Variants in ZNF335 observed in about 807,000 individuals in gnomAD.
ZNF335 encodes the protein zinc finger protein 335, also known as NRC-interacting factor 1.
Under a neutral mutation model 145.6 loss-of-function variants are expected in ZNF335, and 84 were observed. The ratio of observed to expected loss-of-function variants is 0.58; its 90% CI spans 0.48 to 0.69. ZNF335 has a LOEUF of 0.69. Ranked by LOEUF, ZNF335 falls within the 30% of genes least tolerant of loss-of-function variation. ZNF335 has a pLI of 0.00. For synonymous variants in ZNF335, 761 were observed against 717.0 expected, an observed-to-expected ratio of 1.06 and a Z score of -0.98; for missense variants, 1,865 against 1,809.7, an observed-to-expected ratio of 1.03 and a Z score of -0.55.
intron 14 of ZNF335, among the ~76,000 whole-genome samples, chr20:45,959,733 G>A (rs1221125619): frequency 6.6e-6 from 1 of 152,076 alleles, no homozygotes; most frequent in East Asian, 1.9e-4. Context: ...TTCTGTAATC[G>A]CCCCTAGTGT....
intron 20 of ZNF335, among the ~76,000 whole-genome samples, chr20:45,950,985 T>C (rs1032500337): frequency 6.6e-6 from 1 of 152,032 alleles, no homozygotes; most frequent in Non-Finnish European, 1.5e-5. Flanking sequence ...CTCCACCTCC[T>C]GGGTTCAAGC....
rs73128526 is a variant in ZNF335 at position 45,953,365 on chromosome 20, G to C, written c.2702+324C>G. Among the ~76,000 whole-genome samples the C allele has an allele frequency of 0.035, 5,270 of 152,326 alleles. 127 individuals carry two copies. The highest frequency in any genetic ancestry group is 0.058 in the Middle Eastern group (17 of 294). On this transcript the variant is annotated intron_variant, in intron 18 of 27. Coordinates refer to ENST00000322927, the MANE Select transcript of ZNF335 (RefSeq NM_022095.4). ...TTGGGCATGGGAACCAAAGGGACCA[G>C]GGTTCAAATCTCACCTACTGCATGT... is the stretch of plus-strand genomic sequence containing the variant.
chr20:45,971,271 C>T lies in ZNF335; in HGVS notation c.140G>A (p.Gly47Glu). 4 of 1,570,214 alleles carry T rather than the reference C, an allele frequency of 2.5e-6. No homozygotes were observed. The highest frequency in any genetic ancestry group is 3.4e-6 in the Non-Finnish European group (4 of 1,163,756). The change falls in exon 2 of 28, where the codon GGG becomes GAG. Residue 47 changes from glycine (G) to glutamate (E), a missense_variant. By Grantham distance (98) the Gly-to-Glu change is moderately conservative. Coordinates refer to ENST00000322927, the MANE Select transcript of ZNF335 (RefSeq NM_022095.4). ...GCCAGAGTCATCGGCCTCTGCCTGC[C>T]CCGGGGCGGCCGCGGCGTCGCTGCT... ...ADSSDAAAAP[G>E]QAEADDSGVG...
intron 10 of ZNF335, 59 bp from the exon 11 acceptor site, chr20:45,960,941 C>A: frequency 6.2e-7 from 1 of 1,605,794 alleles, no homozygotes; most frequent in African/African-American, 1.3e-5. Context: ...TCTAGACCCT[C>A]TCACACTGAA....
intron 7 of ZNF335, among the ~76,000 whole-genome samples, chr20:45,965,286 C>T (rs1231490156): frequency 6.6e-6 from 1 of 152,074 alleles, no homozygotes; most frequent in African/African-American, 2.4e-5. Flanking sequence ...CGAACCAGGG[C>T]TCCTCTGATA....
At chr20:45,960,398 G>A (rs929204044) in intron 13 of ZNF335, 30 bp from the exon 14 acceptor site, 3 of 1,614,146 alleles carry the variant, frequency 1.9e-6, no homozygotes, top group Non-Finnish European at 2.5e-6. Context: ...GGGAAGCTCA[G>A]TAATGAGCTG....
At position 45,963,911 on chromosome 20, in the gene ZNF335, G is replaced by C; in HGVS notation, c.1182C>G (p.Ser394=). The C allele has an allele frequency of 6.3e-7, 1 of 1,582,244 alleles. No homozygotes were observed. The highest frequency in any genetic ancestry group is 8.6e-7 in the Non-Finnish European group (1 of 1,162,852). The change falls in exon 8 of 28, where the codon TCC becomes TCG. Residue 394 remains serine, a synonymous_variant. Coordinates refer to ENST00000322927, the MANE Select transcript of ZNF335 (RefSeq NM_022095.4). ...PEPQDPEAPS[S]SGPGHLVAMG... ...TGGCCACCAGGTGTCCTGGGCCTGAGGAGCTGGGAGCCTCGGGATCCTGTG... is the reference window on the plus strand; with the variant it reads ...TGGCCACCAGGTGTCCTGGGCCTGACGAGCTGGGAGCCTCGGGATCCTGTG...
chr20:45,949,257 G>C lies in ZNF335; in HGVS notation c.3820-6C>G. On this transcript the variant is annotated splice_polypyrimidine_tract_variant and splice_region_variant and intron_variant, in intron 26 of 27. Coordinates refer to ENST00000322927, the MANE Select transcript of ZNF335 (RefSeq NM_022095.4). The stretch of plus-strand genomic sequence containing the variant: ...GACACAGGCACATACTGGATCTGGA[G>C]GGGAGAAGCTGATAAGATGCTGGCC... 1 of 1,612,000 alleles carries C rather than the reference G, an allele frequency of 6.2e-7. No homozygotes were observed.
At chr20:45,950,625 G>A in intron 20 of ZNF335, 30 bp from the exon 21 acceptor site, 3 of 1,612,886 alleles carry the variant, frequency 1.9e-6, no homozygotes, top group Non-Finnish European at 2.5e-6. Flanking sequence ...GGGGGCATTG[G>A]CTGGGTCAGG....
intron 7 of ZNF335, among the ~76,000 whole-genome samples, chr20:45,964,738 G>A (rs570836935): frequency 6.6e-6 from 1 of 152,062 alleles, no homozygotes; most frequent in Non-Finnish European, 1.5e-5. Context: ...TTGAAATAGA[G>A]ACTAAAGAAT....
At position 45,960,239 on chromosome 20, in the gene ZNF335, G is replaced by T; in HGVS notation, c.1989C>A (p.Phe663Leu). The T allele has an allele frequency of 6.2e-7, 1 of 1,614,200 alleles. No homozygotes were observed. The highest frequency in any genetic ancestry group is 8.5e-7 in the Non-Finnish European group (1 of 1,180,030). ...GCTTGACAGCCACATGGGACAGCAAGAAGTCCTCTCGGAAGGTGCGGTAGG... is the reference window on the plus strand; with the variant it reads ...GCTTGACAGCCACATGGGACAGCAATAAGTCCTCTCGGAAGGTGCGGTAGG... ...FCPYRTFRED[F>L]LLSHVAVKHT... is the part of the protein sequence containing the mutation. Residue 663 changes from phenylalanine to leucine, a missense_variant, in exon 14 of 28, where the codon TTC becomes TTA. Coordinates refer to ENST00000322927, the MANE Select transcript of ZNF335 (RefSeq NM_022095.4).
rs375143899 is a variant in ZNF335, at chr20:45,967,711, C to T, written c.814+23G>A. 23 of 1,607,936 alleles carry T rather than the reference C, an allele frequency of 1.4e-5. No homozygotes were observed. The African/African-American group carries it at 2.8e-4, about 20-fold the overall frequency. ...CCCACCCCTACCCATGCAGTCCAAGCAGGTAGGCTGCTACTGACGCACCTG... is the reference window on the plus strand; with the variant it reads ...CCCACCCCTACCCATGCAGTCCAAGTAGGTAGGCTGCTACTGACGCACCTG... On this transcript the variant is annotated intron_variant, in intron 5 of 27. Coordinates refer to ENST00000322927, the MANE Select transcript of ZNF335 (RefSeq NM_022095.4).
intron 24 of ZNF335, 84 bp downstream of exon 24, chr20:45,949,716 G>C: frequency 6.5e-7 from 1 of 1,545,872 alleles, no homozygotes; most frequent in Non-Finnish European, 8.9e-7. Context: ...GGGGTGGTTT[G>C]GAAAGTATCA....
In ZNF335 at chr20:45,949,120, A is replaced by C. The variant is rs199546916; in HGVS notation, c.3902-40T>G. The C allele has an allele frequency of 1.1e-5, 17 of 1,613,514 alleles. No individual in the cohort carries two copies. The East Asian group carries it at 3.6e-4, about 34-fold the overall frequency. On this transcript the variant is annotated intron_variant, in intron 27 of 27. Coordinates refer to ENST00000322927, the MANE Select transcript of ZNF335 (RefSeq NM_022095.4). ...GAAAGTATGGTGAGCTGGAGGCTCA[A>C]GAGCTGGGTCCATACCCAGCCCCAT...
At chr20:45,959,091 C>A in intron 15 of ZNF335, 110 bp downstream of exon 15, 1 of 963,238 alleles carries the variant, frequency 1.0e-6, no homozygotes, top group Non-Finnish European at 1.4e-6. Context: ...TGAGTTTTTA[C>A]CACAGTCTCA....
At chr20:45,968,701 C>A (rs2084005009) in intron 3 of ZNF335, 1 of 294,180 alleles carries the variant, frequency 3.4e-6, no homozygotes, top group Admixed American at 4.4e-5. Flanking sequence ...GCACCACTTT[C>A]TTAGGGTTGG....
chr20:45,962,532 G>A (rs1245089329), intron 9 of ZNF335, among the ~76,000 whole-genome samples: 2 of 152,184 alleles, frequency 1.3e-5, no homozygotes, highest in Non-Finnish European at 2.9e-5. Flanking sequence ...CATCTTCTCT[G>A]CAGAACCCAC....
intron 7 of ZNF335, 187 bp from the exon 8 acceptor site, chr20:45,964,177 G>A (rs1042289736): frequency 2.7e-5 from 18 of 658,232 alleles, no homozygotes; most frequent in Middle Eastern, 2.8e-4. Context: ...CCCAACAGCC[G>A]ACATTCTGTC....
chr20:45,963,529 G>C lies in ZNF335; in HGVS notation c.1477C>G (p.Gln493Glu). The C allele has an allele frequency of 1.2e-6, 2 of 1,614,190 alleles. No homozygotes were observed. Among genetic ancestry groups the C allele is most frequent in the Non-Finnish European group, 1.7e-6 (2 of 1,180,030 alleles). ...CTGCACTGCAGGCACTTGAAGAGCTGGGGATCGCCAGCCTCATGGGAGTTG... is the reference window on the plus strand; with the variant it reads ...CTGCACTGCAGGCACTTGAAGAGCTCGGGATCGCCAGCCTCATGGGAGTTG... ...HVNSHEAGDP[Q>E]LFKCLQCSYR... Residue 493 changes from glutamine to glutamate, a missense_variant, in exon 9 of 28, where the codon CAG becomes GAG. Coordinates refer to ENST00000322927, the MANE Select transcript of ZNF335 (RefSeq NM_022095.4).
Sources: gnomAD v4.1 joint callset for allele counts (sites outside exome capture counted in the v4.1 genomes callset) on GRCh38, gnomAD v4.1.1 for gene constraint, MANE v1.5 for transcripts, NCBI Gene and HGNC (gene_info 2026-07-23, HGNC 2026-07-21) for gene names.